CEP85L: variants seen among roughly 807,000 people sequenced by gnomAD.
CEP85L encodes centrosomal protein of 85 kDa-like.
Under a neutral mutation model 100.3 loss-of-function variants are expected in CEP85L, and 60 were observed. The observed-to-expected ratio is 0.60, with a 90% CI of 0.49 to 0.74. CEP85L has a LOEUF of 0.74. Among genes scored for constraint, CEP85L ranks in the 30% least tolerant of loss-of-function variants. The pLI is 0.00. For missense variants in CEP85L, 973 were observed against 936.2 expected (o/e 1.04, Z -0.51); for synonymous variants, 319 against 322.7 (o/e 0.99, Z 0.12).
chr6:118,633,011 G>A (rs1239614836), intron 1 of CEP85L, among the ~76,000 whole-genome samples: 1 of 151,962 alleles, frequency 6.6e-6, no homozygotes, highest in Admixed American at 6.6e-5. Flanking sequence ...CAATAATAAT[G>A]CATGATAATA....
chr6:118,470,663 T>A lies in CEP85L; in HGVS notation c.1915-19A>T. The A allele has an allele frequency of 6.8e-7, 1 of 1,464,064 alleles. No homozygotes were observed. The highest frequency in any genetic ancestry group is 2.3e-5 in the East Asian group (1 of 43,044). 90.7% of individuals were successfully genotyped at this position (1,464,064 alleles called of 1,614,324 possible). A position where few individuals can be genotyped will look rare whatever the true frequency, so the allele number is the denominator to read the frequency against. Reference sequence around the variant, plus strand: ...GCATAGACTAGAATTTTTAAAAAAATTGGAAAGCAAAACAGGTTAACATGT... The same window carrying A: ...GCATAGACTAGAATTTTTAAAAAAAATGGAAAGCAAAACAGGTTAACATGT... On this transcript the variant is annotated intron_variant, in intron 10 of 12. Coordinates refer to ENST00000368491, the MANE Select transcript of CEP85L (RefSeq NM_001042475.3).
intron 1 of CEP85L, among the ~76,000 whole-genome samples, chr6:118,640,675 C>A (rs1430530812): frequency 6.6e-6 from 1 of 152,078 alleles, no homozygotes; most frequent in South Asian, 2.1e-4. Flanking sequence ...CAGGCACACA[C>A]CACCATGTCT....
chr6:118,490,957 T>C (rs1301316334), intron 6 of CEP85L, among the ~76,000 whole-genome samples: 1 of 152,086 alleles, frequency 6.6e-6, no homozygotes, highest in Non-Finnish European at 1.5e-5. Context: ...GTTCCATATT[T>C]TTGCAATTGC....
At chr6:118,556,200 C>T (rs574044364) in intron 3 of CEP85L, among the ~76,000 whole-genome samples, 1 of 152,266 alleles carries the variant, frequency 6.6e-6, no homozygotes, top group East Asian at 1.9e-4. Context: ...GGTAGTTCTG[C>T]TTTTATAAGC....
At chr6:118,616,813 C>T (rs931537049) in intron 2 of CEP85L, among the ~76,000 whole-genome samples, 5 of 151,646 alleles carry the variant, frequency 3.3e-5, no homozygotes, top group African/African-American at 9.7e-5. Flanking sequence ...GGCGTGGTGG[C>T]GTGCACCTGT....
intron 2 of CEP85L, among the ~76,000 whole-genome samples, chr6:118,611,127 C>T (rs1159456510): frequency 1.3e-5 from 2 of 152,122 alleles, no homozygotes; most frequent in Non-Finnish European, 2.9e-5. Flanking sequence ...ATAAAATAGG[C>T]TTTCCTTCTT....
intron 2 of CEP85L, among the ~76,000 whole-genome samples, chr6:118,567,771 G>A (rs1033663678): frequency 1.9e-4 from 29 of 152,130 alleles, no homozygotes; most frequent in Admixed American, 5.2e-4. Flanking sequence ...AGATTAAAAC[G>A]AGCCAGGTAG....
rs758798230 is a variant in CEP85L at position 118,511,327 on chromosome 6, A to G, written c.1228T>C (p.Cys410Arg). Reference protein sequence around the residue: ...QHAMLGHYVNCEDSYVASLQP... With the variant: ...QHAMLGHYVNREDSYVASLQP... ...AAACTAGCCACATAAGAATCCTCAC[A>G]ATTTACATAATGTCCTAACATGGCA... is the stretch of plus-strand genomic sequence containing the variant. Residue 410 changes from cysteine (C) to arginine (R), a missense_variant, in exon 5 of 13, where the codon TGT becomes CGT. Transcript: ENST00000368491. The G allele has an allele frequency of 2.5e-6, 4 of 1,612,538 alleles. No homozygotes were observed. In the Admixed American group the frequency reaches 6.7e-5, roughly 27 times the overall value.
chr6:118,527,148 G>A (rs1777023641), intron 3 of CEP85L, among the ~76,000 whole-genome samples: 1 of 151,750 alleles, frequency 6.6e-6, no homozygotes, highest in Non-Finnish European at 1.5e-5. Context: ...CTGAGTAGCT[G>A]GCTGTAGAAC....
chr6:118,522,353 T>G (rs2114779939), intron 4 of CEP85L, among the ~76,000 whole-genome samples: 1 of 152,178 alleles, frequency 6.6e-6, no homozygotes, highest in East Asian at 1.9e-4. Context: ...AGAGCGAATA[T>G]TAATTTCAAT....
intron 5 of CEP85L, among the ~76,000 whole-genome samples, chr6:118,501,121 C>T (rs1368606527): frequency 1.3e-5 from 2 of 152,192 alleles, no homozygotes; most frequent in African/African-American, 4.8e-5. Flanking sequence ...CCAAACTGCC[C>T]GTGGAGAGCT....
rs934959765 is a variant in CEP85L, at chr6:118,596,540, A to G, written c.233-30224T>C. On this transcript the variant is annotated intron_variant, in intron 2 of 12. Transcript: ENST00000368491. ...AGAAAGACATGAATTAAGGAAGGAA[A>G]GCACACACTAATTGGAACCAAGCGT... Among the ~76,000 whole-genome samples, 3 of 152,320 alleles carry G rather than the reference A, an allele frequency of 2.0e-5. No homozygotes were observed. The East Asian group carries it at 5.8e-4, about 29-fold the overall frequency.
intron 10 of CEP85L, among the ~76,000 whole-genome samples, chr6:118,476,660 C>T (rs767937045): frequency 6.5e-4 from 99 of 152,296 alleles, no homozygotes; most frequent in Non-Finnish European, 9.7e-4. Flanking sequence ...ATAGAATTTT[C>T]TTAGGCTGTG....
chr6:118,583,551 C>G (rs1312158729), intron 2 of CEP85L, among the ~76,000 whole-genome samples: 1 of 152,114 alleles, frequency 6.6e-6, no homozygotes, highest in Non-Finnish European at 1.5e-5. Flanking sequence ...AACTCTATCT[C>G]CCCCTGATGG....
intron 4 of CEP85L, among the ~76,000 whole-genome samples, chr6:118,515,459 A>C (rs1275556894): frequency 6.6e-6 from 1 of 152,244 alleles, no homozygotes; most frequent in African/African-American, 2.4e-5. Flanking sequence ...TCAAGGATAC[A>C]TGAAACACTT....
chr6:118,522,089 G>A (rs1379418041), intron 4 of CEP85L, among the ~76,000 whole-genome samples: 1 of 152,132 alleles, frequency 6.6e-6, no homozygotes, highest in East Asian at 1.9e-4. Context: ...GGCCGGGCAT[G>A]GTGGCTCACA....
intron 2 of CEP85L, among the ~76,000 whole-genome samples, chr6:118,605,998 A>ATGTT (rs1772182430): frequency 2.1e-5 from 3 of 143,442 alleles, no homozygotes; most frequent in East Asian, 4.0e-4. Context: ...TGGGCAACAG[A>ATGTT]GCAAGACTCT....
chr6:118,675,336 G>C (rs1776449515), intron 1 of CEP85L, among the ~76,000 whole-genome samples: 1 of 151,996 alleles, frequency 6.6e-6, no homozygotes, highest in South Asian at 2.1e-4. Flanking sequence ...CAGGGGTTGA[G>C]GGAGGGGGCA....
intron 2 of CEP85L, among the ~76,000 whole-genome samples, chr6:118,577,314 G>A (rs927361564): frequency 2.0e-5 from 3 of 152,134 alleles, no homozygotes; most frequent in Admixed American, 6.5e-5. Flanking sequence ...TAACTGGAGC[G>A]GCACTTGCGC....
Sources: allele counts gnomAD v4.1 joint callset (sites outside exome capture counted in the v4.1 genomes callset), GRCh38; gene constraint gnomAD v4.1.1; transcripts MANE v1.5; gene names NCBI Gene and HGNC (gene_info 2026-07-23, HGNC 2026-07-21).